Variants in DNAH14 observed in about 807,000 individuals in gnomAD.
DNAH14 encodes dynein axonemal heavy chain 14, also known as axonemal beta dynein heavy chain 14.
In DNAH14, 478 loss-of-function variants were observed where a neutral mutation model predicts 520.9. The ratio of observed to expected loss-of-function variants is 0.92; its 90% CI spans 0.85 to 0.99. The LOEUF (loss-of-function observed/expected upper bound fraction) is 0.99, where lower values mean the gene tolerates loss of function less well. DNAH14 is among the 50% of genes least tolerant of loss of function. The pLI is 0.00. For synonymous variants in DNAH14, 1,581 were observed against 1,757.2 expected, an observed-to-expected ratio of 0.90 and a Z score of 2.51; for missense variants, 4,831 against 5,234.5, an observed-to-expected ratio of 0.92 and a Z score of 2.38.
intron 17 of DNAH14, among the ~76,000 whole-genome samples, chr1:225,073,692 TG>T (rs2071841797): frequency 6.6e-6 from 1 of 152,012 alleles, no homozygotes; most frequent in Non-Finnish European, 1.5e-5. Context: ...TTTTTGTTTT[TG>T]TTTTTTGTTT....
At chr1:225,393,165 A>C (rs1269288109) in intron 84 of DNAH14, among the ~76,000 whole-genome samples, 1 of 152,264 alleles carries the variant, frequency 6.6e-6, no homozygotes, top group Non-Finnish European at 1.5e-5. Context: ...CAATATCTTT[A>C]GTCAGAGAAA....
intron 64 of DNAH14, among the ~76,000 whole-genome samples, chr1:225,329,737 C>A (rs2150266849): frequency 6.6e-6 from 1 of 152,194 alleles, no homozygotes; most frequent in South Asian, 2.1e-4. Flanking sequence ...GGACATTGGT[C>A]TGGGCAAAAA....
At chr1:225,034,981 T>C (rs1484202745) in intron 11 of DNAH14, among the ~76,000 whole-genome samples, 1 of 152,060 alleles carries the variant, frequency 6.6e-6, no homozygotes, top group Admixed American at 6.6e-5. Context: ...TTGATTAGTG[T>C]AGCTAGTAGC....
At chr1:225,145,500 A>T in intron 30 of DNAH14, 121 bp downstream of exon 30, 1 of 743,772 alleles carries the variant, frequency 1.3e-6, no homozygotes. Context: ...TATTAACAGA[A>T]CTTTAAATGC....
In DNAH14 at chr1:225,236,306, G is replaced by A. The variant is rs115500696; in HGVS notation, c.6519-4287G>A. On this transcript the variant is annotated intron_variant, in intron 42 of 85. Transcript: ENST00000682510. Reference sequence around the variant, plus strand: ...TTACCCAAGAGTCATTGAGGAGCACGTTGTTCAATTTACAGGTAGTTGTGT... The same window carrying A: ...TTACCCAAGAGTCATTGAGGAGCACATTGTTCAATTTACAGGTAGTTGTGT... Among the ~76,000 whole-genome samples the A allele has an allele frequency of 4.2e-3, 645 of 152,282 alleles. 4 individuals carry two copies. The highest frequency in any genetic ancestry group is 0.015 in the African/African-American group (605 of 41,550).
chr1:225,277,349 C>A, intron 53 of DNAH14, 61 bp from the exon 54 acceptor site: 1 of 433,842 alleles, frequency 2.3e-6, no homozygotes, highest in Non-Finnish European at 4.9e-6. Flanking sequence ...TGTAAAACCA[C>A]AATGCACGTT....
At chr1:225,382,438 G>A (rs1221982238) in intron 81 of DNAH14, among the ~76,000 whole-genome samples, 3 of 152,156 alleles carry the variant, frequency 2.0e-5, no homozygotes, top group Admixed American at 1.3e-4. Context: ...CGGGCACAGG[G>A]CCTCATGCTT....
intron 4 of DNAH14, among the ~76,000 whole-genome samples, chr1:224,963,417 A>G (rs1236267205): frequency 6.6e-6 from 1 of 152,144 alleles, no homozygotes; most frequent in Non-Finnish European, 1.5e-5. Context: ...CCACATTTAT[A>G]GCTCTAATCC....
At chr1:225,008,572 TGAC>T (rs1363626945) in intron 10 of DNAH14, among the ~76,000 whole-genome samples, 107 of 129,838 alleles carry the variant, frequency 8.2e-4, no homozygotes, top group African/African-American at 2.7e-3. Flanking sequence ...TGTTTTTTCC[TGAC>T]TTTTTTTTTT....
chr1:224,952,929 C>T, intron 2 of DNAH14, 150 bp downstream of exon 2: 1 of 516,064 alleles, frequency 1.9e-6, no homozygotes, highest in Non-Finnish European at 3.1e-6. Context: ...CTTAGTTTCT[C>T]AGGGAGTGTT....
Position 225,141,718 on chromosome 1 carries a change from G to A in DNAH14, c.4508+697G>A, listed in dbSNP as rs141694603. Among the ~76,000 whole-genome samples, 583 of 152,120 alleles carry A rather than the reference G, an allele frequency of 3.8e-3. 3 individuals are homozygous for A. The highest frequency in any genetic ancestry group is 0.013 in the African/African-American group (547 of 41,486). On this transcript the variant is annotated intron_variant, in intron 28 of 85. Coordinates refer to ENST00000682510, the MANE Select transcript of DNAH14 (RefSeq NM_001367479.1). ...GCTCTACCTCCAGCCTCTTCTTTCC[G>A]CTGTGCTGTTAATTCTGGAACAGAC... is the stretch of plus-strand genomic sequence containing the variant.
chr1:224,997,957 C>T (rs1228290528), intron 8 of DNAH14, among the ~76,000 whole-genome samples: 1 of 152,024 alleles, frequency 6.6e-6, no homozygotes, highest in Non-Finnish European at 1.5e-5. Flanking sequence ...GGAATGAATT[C>T]AATTTTCTTG....
chr1:225,024,243 A>C, intron 11 of DNAH14: 1 of 986,186 alleles, frequency 1.0e-6, no homozygotes, highest in Non-Finnish European at 1.2e-6. Flanking sequence ...GTTCAGAGTT[A>C]GTTTTTAAAG....
intron 12 of DNAH14, 35 bp from the exon 13 acceptor site, chr1:225,042,800 T>C: frequency 6.6e-7 from 1 of 1,521,866 alleles, no homozygotes; most frequent in South Asian, 1.3e-5. Context: ...AGTTATATGT[T>C]GTCACTGGCA....
intron 27 of DNAH14, among the ~76,000 whole-genome samples, chr1:225,136,519 T>C (rs1229330043): frequency 2.0e-5 from 3 of 152,124 alleles, no homozygotes; most frequent in African/African-American, 4.8e-5. Flanking sequence ...CAATGAGAGG[T>C]CCACTATTAG....
At chr1:225,057,544 G>A (rs2069302437) in intron 17 of DNAH14, among the ~76,000 whole-genome samples, 1 of 152,032 alleles carries the variant, frequency 6.6e-6, no homozygotes, top group South Asian at 2.1e-4. Context: ...TGACTGCCCT[G>A]GCCAGAACTT....
rs1453011359 is a variant in DNAH14, at chr1:224,929,840, GGTC to G, written c.-34+9_-34+11del. ...CGTCGGACCACGGCGCGGCGGGTAA[GGTC>G]GTCAGCGTCTTCCTGTCAGCGGTCG... is the stretch of plus-strand genomic sequence containing the variant. On this transcript the variant is annotated splice_donor_region_variant and intron_variant, in intron 1 of 85. Transcript: ENST00000682510. The G allele has an allele frequency of 1.5e-6, 1 of 685,272 alleles. No individual in the cohort carries two copies. The highest frequency in any genetic ancestry group is 2.7e-6 in the Non-Finnish European group (1 of 373,816). 42.4% of individuals were successfully genotyped at this position (685,272 alleles called of 1,614,324 possible). A position where few individuals can be genotyped will look rare whatever the true frequency, so the allele number is the denominator to read the frequency against.
chr1:225,296,041 A>G (rs1199094551), intron 55 of DNAH14, among the ~76,000 whole-genome samples: 1 of 152,046 alleles, frequency 6.6e-6, no homozygotes, highest in Non-Finnish European at 1.5e-5. Flanking sequence ...GTTTTACCTG[A>G]TATAAATATA....
chr1:225,120,762 G>A (rs1442635519), intron 26 of DNAH14, among the ~76,000 whole-genome samples: 2 of 152,164 alleles, frequency 1.3e-5, no homozygotes, highest in Admixed American at 1.3e-4. Context: ...AGAGACTTCT[G>A]TAGGCAAGAA....
Sources: allele counts gnomAD v4.1 joint callset (sites outside exome capture counted in the v4.1 genomes callset), GRCh38; gene constraint gnomAD v4.1.1; transcripts MANE v1.5; gene names NCBI Gene and HGNC (gene_info 2026-07-23, HGNC 2026-07-21).